GATA4: variants seen among roughly 807,000 people sequenced by gnomAD.
GATA4 encodes the protein GATA binding protein 4.
GATA4 carries 7 observed loss-of-function variants against 37.9 expected under a neutral mutation model. The ratio of observed to expected loss-of-function variants is 0.18; its 90% CI spans 0.11 to 0.35. The LOEUF (loss-of-function observed/expected upper bound fraction) is 0.35. Among genes scored for constraint, GATA4 ranks in the 10% least tolerant of loss-of-function variants. GATA4 has a pLI of 1.00. For synonymous variants in GATA4, 372 were observed against 292.6 expected (o/e 1.27, Z -2.77); for missense variants, 647 against 653.0 (o/e 0.99, Z 0.10).
chr8:11,727,134 A>G (rs1800964409), intron 2 of GATA4, among the ~76,000 whole-genome samples: 1 of 152,230 alleles, frequency 6.6e-6, no homozygotes. Flanking sequence ...AGGCGTTTAA[A>G]GGCGGTAAGT....
At chr8:11,697,279 T>A (rs1323628162) in intron 1 of GATA4, among the ~76,000 whole-genome samples, 1 of 152,136 alleles carries the variant, frequency 6.6e-6, no homozygotes, top group Non-Finnish European at 1.5e-5. Flanking sequence ...GGGGGATGAG[T>A]GGAAACCAGC....
chr8:11,757,705 T>TG (rs1313971731), intron 6 of GATA4, among the ~76,000 whole-genome samples: 1 of 152,204 alleles, frequency 6.6e-6, no homozygotes, highest in Non-Finnish European at 1.5e-5. Flanking sequence ...GGGGACGCCC[T>TG]GGGGCAGCCC....
intron 1 of GATA4, chr8:11,680,719 A>G (rs1798938540): frequency 2.0e-6 from 2 of 985,094 alleles, no homozygotes; most frequent in Non-Finnish European, 2.4e-6. Flanking sequence ...GCCGCTGCGC[A>G]CGGATACCCT....
upstream of GATA4, among the ~76,000 whole-genome samples, chr8:11,690,915 A>G (rs1799292532): frequency 6.6e-6 from 1 of 152,228 alleles, no homozygotes; most frequent in Non-Finnish European, 1.5e-5. Context: ...TACCCTGCAC[A>G]ATACCAATGC....
chr8:11,746,019 C>G (rs1802013476), intron 2 of GATA4, among the ~76,000 whole-genome samples: 1 of 152,106 alleles, frequency 6.6e-6, no homozygotes, highest in Non-Finnish European at 1.5e-5. Context: ...GTGGCTTATG[C>G]CTGTAATCCC....
At chr8:11,681,618 T>G (rs1798976801) in intron 1 of GATA4, 1 of 301,846 alleles carries the variant, frequency 3.3e-6, no homozygotes, top group South Asian at 1.3e-4. Context: ...TTTATTGGTT[T>G]ACTATTGTCT....
At chr8:11,718,848 C>T (rs1262371388) in intron 2 of GATA4, among the ~76,000 whole-genome samples, 1 of 152,240 alleles carries the variant, frequency 6.6e-6, no homozygotes, top group Non-Finnish European at 1.5e-5. Context: ...GCAGAATAAA[C>T]GCTGAAGTCT....
chr8:11,735,535 G>A (rs911935265), intron 2 of GATA4, among the ~76,000 whole-genome samples: 21 of 152,164 alleles, frequency 1.4e-4, no homozygotes, highest in Non-Finnish European at 1.0e-4. Flanking sequence ...GGTGATGGTG[G>A]AGACTTTTTG....
At chr8:11,722,497 A>G (rs973935477) in intron 2 of GATA4, among the ~76,000 whole-genome samples, 7 of 152,292 alleles carry the variant, frequency 4.6e-5, no homozygotes, top group African/African-American at 1.7e-4. Flanking sequence ...CCTTGTTCCA[A>G]TCAGGATCTA....
chr8:11,740,189 G>A (rs1437884865), intron 2 of GATA4, among the ~76,000 whole-genome samples: 1 of 152,258 alleles, frequency 6.6e-6, no homozygotes, highest in Non-Finnish European at 1.5e-5. Context: ...GGCATGCTGC[G>A]TGTGGCTTTT....
chr8:11,710,842 C>T (rs1299616748), intron 2 of GATA4, among the ~76,000 whole-genome samples: 1 of 152,150 alleles, frequency 6.6e-6, no homozygotes, highest in Non-Finnish European at 1.5e-5. Context: ...GAAATACCCG[C>T]CGGGCGCGGT....
chr8:11,691,705 A>C (rs1041545751), upstream of GATA4, among the ~76,000 whole-genome samples: 1 of 152,018 alleles, frequency 6.6e-6, no homozygotes, highest in African/African-American at 2.4e-5. Flanking sequence ...CAGACCAAGG[A>C]GCTCCCTCCA....
At chr8:11,743,435 C>T (rs1365246023) in intron 2 of GATA4, among the ~76,000 whole-genome samples, 4 of 152,250 alleles carry the variant, frequency 2.6e-5, no homozygotes, top group African/African-American at 7.2e-5. Context: ...CCAGCTCTCC[C>T]CAGCAGGTGG....
Position 11,756,980 on chromosome 8 carries a change from G to A in GATA4, c.1046G>A (p.Ser349Asn). The change falls in exon 6 of 7, where the codon AGC becomes AAC. Residue 349 changes from serine to asparagine, a missense_variant. Ser to Asn is a conservative substitution (Grantham distance 46, BLOSUM62 1). Transcript: ENST00000532059. The part of the protein sequence containing the change: ...ESLPPASGAS[S>N]NSSNATTSSS... The stretch of plus-strand genomic sequence containing the variant: ...CTTCCTCCCGCCAGCGGTGCTTCCA[G>A]CAACTCCAGCAACGCCACCACCAGC... 8 of 1,614,236 alleles carry A rather than the reference G, an allele frequency of 5.0e-6. No homozygotes were observed. Among genetic ancestry groups the A allele is most frequent in the Non-Finnish European group, 6.8e-6 (8 of 1,180,046 alleles).
chr8:11,681,205 A>C, intron 1 of GATA4: 2 of 984,684 alleles, frequency 2.0e-6, no homozygotes, highest in Non-Finnish European at 2.4e-6. Context: ...CCCGCGCGGG[A>C]TCTGGAGGCA....
chr8:11,722,494 C>G (rs181432773), intron 2 of GATA4, among the ~76,000 whole-genome samples: 1 of 152,298 alleles, frequency 6.6e-6, no homozygotes, highest in Admixed American at 6.5e-5. Context: ...ATGCCTTGTT[C>G]CAATCAGGAT....
chr8:11,681,416 C>T (rs771215013), intron 1 of GATA4: 6 of 984,764 alleles, frequency 6.1e-6, no homozygotes, highest in African/African-American at 3.5e-5. Context: ...CGTGGCTCAA[C>T]TCGGGGGCCG....
chr8:11,757,734 G>T (rs1455171096), intron 6 of GATA4, among the ~76,000 whole-genome samples: 1 of 152,226 alleles, frequency 6.6e-6, no homozygotes, highest in Non-Finnish European at 1.5e-5. Flanking sequence ...TCTGGCGGAG[G>T]ACGATGGCGT....
intron 1 of GATA4, among the ~76,000 whole-genome samples, chr8:11,677,252 C>T (rs1798814661): frequency 6.6e-6 from 1 of 152,154 alleles, no homozygotes; most frequent in African/African-American, 2.4e-5. Context: ...GGCTTTGAGG[C>T]CTTTGCGGAC....
Sources: allele counts gnomAD v4.1 joint callset (sites outside exome capture counted in the v4.1 genomes callset), GRCh38; gene constraint gnomAD v4.1.1; transcripts MANE v1.5; gene names NCBI Gene and HGNC (gene_info 2026-07-23, HGNC 2026-07-21).